The following ARAP1 variants were observed in gnomAD, a reference collection of about 807,000 sequenced individuals.
The protein encoded by ARAP1 is ArfGAP with RhoGAP domain, ankyrin repeat and PH domain 1, also known as arf-GAP with Rho-GAP domain, ANK repeat and PH domain-containing protein 1.
A neutral mutation model predicts 172.2 loss-of-function variants in ARAP1; 76 were observed. That is an observed-to-expected ratio of 0.44 (90% confidence interval 0.37 to 0.53). The LOEUF (loss-of-function observed/expected upper bound fraction) is 0.53. Ranked by LOEUF, ARAP1 falls within the 20% of genes least tolerant of loss-of-function variation. ARAP1 has a pLI of 0.00. For synonymous variants in ARAP1, 804 were observed against 803.3 expected, an observed-to-expected ratio of 1.00 and a Z score of -0.01; for missense variants, 1,686 against 1,977.5, an observed-to-expected ratio of 0.85 and a Z score of 2.80.
chr11:72,749,163 A>G (rs1201394650), intron 1 of ARAP1, among the ~76,000 whole-genome samples: 2 of 152,172 alleles, frequency 1.3e-5, no homozygotes, highest in Admixed American at 1.3e-4. Context: ...TGCCTCGGTC[A>G]CCACCCGGGG....
rs1452919697 is a variant in ARAP1 at position 72,695,155 on chromosome 11, C to T, written c.3577-58G>A. 9.0e-6 allele frequency: 14 copies of T among 1,558,958 alleles called. 1 individual carries two copies. Among genetic ancestry groups the T allele is most frequent in the Non-Finnish European group, 1.1e-5 (13 of 1,135,126 alleles). On this transcript the variant is annotated intron_variant, in intron 26 of 34. Transcript: ENST00000393609. The surrounding 1 kb of genome is among the most constrained non-coding windows in gnomAD (Gnocchi z 4.4). ...GTGCCTAGCCCCTGCTCTGCCACAA[C>T]CTTGCTATGTGACTCAGAGCCTGAG... is the stretch of plus-strand genomic sequence containing the variant.
chr11:72,749,842 G>A (rs1214491139), intron 1 of ARAP1, among the ~76,000 whole-genome samples: 1 of 150,594 alleles, frequency 6.6e-6, no homozygotes, highest in Non-Finnish European at 1.5e-5. Context: ...CTGCACTCCA[G>A]CCTGGGCAAC....
At chr11:72,689,166 A>G (rs555605825) in intron 30 of ARAP1, among the ~76,000 whole-genome samples, 2 of 152,352 alleles carry the variant, frequency 1.3e-5, no homozygotes, top group South Asian at 4.1e-4. Flanking sequence ...GGTCTAGGTC[A>G]GGAAGCGAGA....
chr11:72,744,980 T>C (rs1463831177), intron 1 of ARAP1, among the ~76,000 whole-genome samples: 1 of 152,164 alleles, frequency 6.6e-6, no homozygotes, highest in African/African-American at 2.4e-5. Context: ...GGGAAGCCTT[T>C]AGCCAAGGCT....
chr11:72,709,723 T>C (rs571434827), intron 11 of ARAP1, 147 bp downstream of exon 11: 1 of 791,020 alleles, frequency 1.3e-6, no homozygotes, highest in South Asian at 1.5e-5. Flanking sequence ...GGTTAGCAAG[T>C]GACGGGAGAG....
chr11:72,713,830 G>C (rs1857150067), intron 4 of ARAP1, among the ~76,000 whole-genome samples: 1 of 143,728 alleles, frequency 7.0e-6, no homozygotes, highest in African/African-American at 2.6e-5. Flanking sequence ...CTGGGCGACA[G>C]AGCGAGACTC....
intron 1 of ARAP1, among the ~76,000 whole-genome samples, chr11:72,740,952 A>C (rs1277221279): frequency 6.6e-6 from 1 of 152,190 alleles, no homozygotes; most frequent in Admixed American, 6.5e-5. Context: ...GTAGGGAAGG[A>C]GGTGTGGGAT....
chr11:72,688,354 A>G, intron 31 of ARAP1, 101 bp downstream of exon 31: 1 of 1,034,560 alleles, frequency 9.7e-7, no homozygotes, highest in South Asian at 1.4e-5. Flanking sequence ...GAGCCCCTGC[A>G]CCTATCTCTG....
At chr11:72,714,650 G>A (rs567493767) in intron 3 of ARAP1, among the ~76,000 whole-genome samples, 2 of 152,282 alleles carry the variant, frequency 1.3e-5, no homozygotes, top group South Asian at 2.1e-4. Flanking sequence ...GGAAGGATTC[G>A]TGGAGAAGGT....
At chr11:72,705,140 T>G (rs1856698175) in intron 13 of ARAP1, 1 of 152,348 alleles carries the variant, frequency 6.6e-6, no homozygotes, top group Non-Finnish European at 1.5e-5. Context: ...GTCTGCAGCC[T>G]GGGTCTACCC....
intron 1 of ARAP1, among the ~76,000 whole-genome samples, chr11:72,743,209 C>T (rs1013546242): frequency 3.3e-5 from 5 of 152,184 alleles, no homozygotes; most frequent in Non-Finnish European, 2.9e-5. Context: ...TCTTCCATGG[C>T]TAGGACAACG....
chr11:72,690,145 C>T (rs967286489), intron 30 of ARAP1, among the ~76,000 whole-genome samples: 6 of 152,074 alleles, frequency 3.9e-5, no homozygotes, highest in Non-Finnish European at 5.9e-5. Flanking sequence ...TGGAAGAAGT[C>T]AGGCTGTGGG....
chr11:72,723,040 G>T (rs1857578450), intron 3 of ARAP1, among the ~76,000 whole-genome samples: 1 of 152,152 alleles, frequency 6.6e-6, no homozygotes, highest in Non-Finnish European at 1.5e-5. Flanking sequence ...GAGTGCAGTG[G>T]CTCACACCTG....
At position 72,711,694 on chromosome 11, in the gene ARAP1, C is replaced by CTTTTT. The variant is rs58109830; in HGVS notation, c.1023-200_1023-196dup. On this transcript the variant is annotated intron_variant, in intron 7 of 34. Coordinates refer to ENST00000393609, the MANE Select transcript of ARAP1 (RefSeq NM_001040118.3). ...AAGTCAGACTCAAAGTAGCACATCT[C>CTTTTT]TTTTTTTTTTTTTTTTTTTGAGACA... Among the ~76,000 whole-genome samples the CTTTTT allele has an allele frequency of 5.9e-4, 70 of 118,804 alleles. 1 individual carries two copies. Among genetic ancestry groups the CTTTTT allele is most frequent in the Non-Finnish European group, 8.1e-4 (48 of 59,596 alleles). The allele number at this position is 118,804 out of a possible 152,430, so 77.9% of individuals were successfully genotyped here. A position where few individuals can be genotyped will look rare whatever the true frequency, so the allele number is the denominator to read the frequency against.
chr11:72,689,961 C>A (rs1259996281), intron 30 of ARAP1, among the ~76,000 whole-genome samples: 1 of 152,100 alleles, frequency 6.6e-6, no homozygotes, highest in East Asian at 1.9e-4. Context: ...AATCGGCCTG[C>A]AAACTGGAAG....
At chr11:72,701,814 T>C (rs748618595) in intron 15 of ARAP1, 31 bp from the exon 16 acceptor site, 58 of 1,609,344 alleles carry the variant, frequency 3.6e-5, no homozygotes, top group Non-Finnish European at 1.7e-5. Flanking sequence ...TGGCAGGTCA[T>C]GCTGGCCACC....
At position 72,697,434 on chromosome 11, in the gene ARAP1, C is replaced by A; in HGVS notation, c.2842G>T (p.Ala948Ser). Residue 948 changes from alanine (A) to serine (S), a missense_variant, in exon 21 of 35, where the codon GCC (alanine) becomes TCC (serine). Physicochemically the swap from Ala to Ser is moderately conservative, Grantham distance 99. This residue lies in a region of ARAP1 where 274 missense variants were observed against 262.7 expected (regional missense o/e 1.04). Coordinates refer to ENST00000393609, the MANE Select transcript of ARAP1 (RefSeq NM_001040118.3). ...ATGCTGGCGGCTGCTTTCTGGATGG[C>A]CCCCAGCCAACCCATGAAGTCCAGC... Reference protein sequence around the residue: ...RRLDFMGWLGAIQKAAASMGD... With the variant: ...RRLDFMGWLGSIQKAAASMGD... 6.2e-7 allele frequency: 1 copy of A among 1,612,156 alleles called. No individual in the cohort carries two copies. The highest frequency in any genetic ancestry group is 8.5e-7 in the Non-Finnish European group (1 of 1,179,580).
In ARAP1 at chr11:72,693,002, G is replaced by A; in HGVS notation, c.3955-217C>T. ...TATGACATACGATATGACAAGGCAT[G>A]CATGCACAACTTGGGGCTGTCATCA... On this transcript the variant is annotated intron_variant, in intron 29 of 34. Transcript: ENST00000393609. This position sits in a 1 kb window ranked among gnomAD's most constrained non-coding sequence, Gnocchi z 4.6. 1 of 659,404 alleles carries A rather than the reference G, an allele frequency of 1.5e-6. No individual in the cohort carries two copies. Among genetic ancestry groups the A allele is most frequent in the African/African-American group, 1.8e-5 (1 of 55,408 alleles). The allele number at this position is 659,404 out of a possible 1,614,324, so 40.8% of individuals were successfully genotyped here.
chr11:72,731,440 T>A (rs1188638923), intron 2 of ARAP1, among the ~76,000 whole-genome samples: 2 of 152,180 alleles, frequency 1.3e-5, no homozygotes, highest in Non-Finnish European at 2.9e-5. Context: ...CCGGCTTCTC[T>A]CTTGCTTCCT....
Sources: allele counts gnomAD v4.1 joint callset (sites outside exome capture counted in the v4.1 genomes callset), GRCh38; gene constraint gnomAD v4.1.1; regional missense constraint gnomAD v4.1.1; non-coding constraint Gnocchi (gnomAD v3.1); transcripts MANE v1.5; gene names NCBI Gene and HGNC (gene_info 2026-07-23, HGNC 2026-07-21).